FAT3: variants seen among roughly 807,000 people sequenced by gnomAD.
FAT3 encodes the protein FAT atypical cadherin 3.
Under a neutral mutation model 310.2 loss-of-function variants are expected in FAT3, and 95 were observed. The observed-to-expected ratio is 0.31, with a 90% CI of 0.26 to 0.36. The LOEUF (loss-of-function observed/expected upper bound fraction) is 0.36, where lower values mean the gene tolerates loss of function less well. Ranked by LOEUF, FAT3 falls within the 10% of genes least tolerant of loss-of-function variation. FAT3 has a pLI of 1.00. For synonymous variants in FAT3, 2,314 were observed against 2,192.9 expected, an observed-to-expected ratio of 1.06 and a Z score of -1.54; for missense variants, 5,408 against 5,715.6, an observed-to-expected ratio of 0.95 and a Z score of 1.74.
rs915746308 is a variant in FAT3, at chr11:92,507,104, G to A, written c.3293-17530G>A. On this transcript the variant is annotated intron_variant, in intron 2 of 27. Coordinates refer to ENST00000525166, the MANE Select transcript of FAT3 (RefSeq NM_001367949.2). The stretch of plus-strand genomic sequence containing the variant: ...CTAACACAGTGAGTTAGTATTTATC[G>A]AAGTCTTGTCAGTGCCTCTGGTGCT... Among the ~76,000 whole-genome samples the A allele has an allele frequency of 3.5e-4, 53 of 152,100 alleles. 1 individual carries two copies. Among genetic ancestry groups the A allele is most frequent in the Admixed American group, 5.2e-4 (8 of 15,256 alleles).
In FAT3 at chr11:92,655,996, C is replaced by T. The variant is rs189352756; in HGVS notation, c.3608-41388C>T. Among the ~76,000 whole-genome samples the T allele has an allele frequency of 4.6e-5, 7 of 152,250 alleles. No homozygotes were observed. In the East Asian group the frequency reaches 1.4e-3, roughly 29 times the overall value. The stretch of plus-strand genomic sequence containing the variant: ...TAAATCCATCCCATTTTGTCCATTG[C>T]CACATTTCACAGGGAAACAAGAGGG... On this transcript the variant is annotated intron_variant, in intron 3 of 27. Coordinates refer to ENST00000525166, the MANE Select transcript of FAT3 (RefSeq NM_001367949.2).
intron 3 of FAT3, among the ~76,000 whole-genome samples, chr11:92,639,152 A>G (rs955588811): frequency 3.3e-5 from 5 of 152,222 alleles, no homozygotes; most frequent in African/African-American, 9.6e-5. Context: ...GGAATCAACC[A>G]TCTAGCCCTT....
intron 4 of FAT3, among the ~76,000 whole-genome samples, chr11:92,747,174 G>A (rs1391604375): frequency 6.6e-6 from 1 of 151,578 alleles, no homozygotes; most frequent in Non-Finnish European, 1.5e-5. Flanking sequence ...TGCCCCTGCA[G>A]CAAACTTCTG....
intron 4 of FAT3, among the ~76,000 whole-genome samples, chr11:92,719,344 G>T (rs1434362598): frequency 6.6e-6 from 1 of 152,064 alleles, no homozygotes; most frequent in Non-Finnish European, 1.5e-5. Context: ...ACCAGTTCTT[G>T]TCTTTTTATC....
In FAT3 at chr11:92,801,897, T is replaced by C; in HGVS notation, c.8884T>C (p.Tyr2962His). The change falls in exon 10 of 28, where the codon TAC (tyrosine) becomes CAC (histidine). Residue 2962 changes from tyrosine to histidine, a missense_variant. Transcript: ENST00000525166. ...ATCCGACGTTAATCGCCAAGTGAGC[T>C]ACCATATTACAGGTGAGTAAATACC... The part of the protein sequence containing the change: ...DTSDVNRQVS[Y>H]HITGGNPRGR... 6.2e-7 allele frequency: 1 copy of C among 1,613,600 alleles called. No homozygotes were observed. The highest frequency in any genetic ancestry group is 1.1e-5 in the South Asian group (1 of 91,046).
At chr11:92,587,860 T>C (rs1195827555) in intron 3 of FAT3, among the ~76,000 whole-genome samples, 1 of 152,008 alleles carries the variant, frequency 6.6e-6, no homozygotes, top group African/African-American at 2.4e-5. Flanking sequence ...AATTTCACTT[T>C]TTCCCCATGT....
chr11:92,710,875 C>T (rs2135947525), intron 4 of FAT3, among the ~76,000 whole-genome samples: 1 of 152,314 alleles, frequency 6.6e-6, no homozygotes, highest in East Asian at 1.9e-4. Context: ...AGCAAGTACA[C>T]ACCTAGGTGA....
chr11:92,452,706 G>C (rs1591309673), intron 2 of FAT3, among the ~76,000 whole-genome samples: 1 of 152,212 alleles, frequency 6.6e-6, no homozygotes, highest in Non-Finnish European at 1.5e-5. Flanking sequence ...GAGTGGGAGA[G>C]TGATTAAGTG....
intron 2 of FAT3, among the ~76,000 whole-genome samples, chr11:92,428,645 G>T (rs931681151): frequency 2.0e-5 from 3 of 152,094 alleles, no homozygotes; most frequent in Non-Finnish European, 2.9e-5. Flanking sequence ...TATTTACTCA[G>T]TAGTCATTCA....
Position 92,840,763 on chromosome 11 carries a change from T to C in FAT3, c.10566+4T>C. ...GGAATACGTGTTGTGTGTCCAGGTA[T>C]GGCATCGCACTCTGTCTCCGTCGTG... On this transcript the variant is annotated splice_donor_region_variant and intron_variant, in intron 18 of 27. Transcript: ENST00000525166. 6.4e-7 allele frequency: 1 copy of C among 1,567,860 alleles called. No individual in the cohort carries two copies. Among genetic ancestry groups the C allele is most frequent in the Non-Finnish European group, 8.7e-7 (1 of 1,145,658 alleles).
At chr11:92,414,826 C>T (rs1350857487) in intron 2 of FAT3, among the ~76,000 whole-genome samples, 3 of 151,862 alleles carry the variant, frequency 2.0e-5, no homozygotes, top group Admixed American at 6.6e-5. Flanking sequence ...CTGGCTAACA[C>T]GGTGAAACCC....
intron 14 of FAT3, among the ~76,000 whole-genome samples, chr11:92,833,646 AT>A (rs1321687991): frequency 6.6e-6 from 1 of 152,198 alleles, no homozygotes; most frequent in Non-Finnish European, 1.5e-5. Flanking sequence ...CGTGGTAAGT[AT>A]TGGAAGGTGA....
chr11:92,410,296 G>T (rs1950228231), intron 2 of FAT3, among the ~76,000 whole-genome samples: 1 of 152,072 alleles, frequency 6.6e-6, no homozygotes, highest in South Asian at 2.1e-4. Flanking sequence ...AGGTGTGTGT[G>T]TGTGTATGTG....
intron 2 of FAT3, among the ~76,000 whole-genome samples, chr11:92,475,940 G>A (rs1035695382): frequency 1.1e-4 from 16 of 152,254 alleles, no homozygotes; most frequent in Admixed American, 7.8e-4. Context: ...ATTAAAGACC[G>A]AAGGTTAATG....
chr11:92,375,392 T>C (rs1440330147), intron 2 of FAT3, among the ~76,000 whole-genome samples: 1 of 152,182 alleles, frequency 6.6e-6, no homozygotes, highest in Non-Finnish European at 1.5e-5. Context: ...CCTCCTGCCT[T>C]GGACTCCCAA....
chr11:92,663,231 T>C (rs1459488127), intron 3 of FAT3, among the ~76,000 whole-genome samples: 3 of 152,176 alleles, frequency 2.0e-5, no homozygotes, highest in Non-Finnish European at 4.4e-5. Flanking sequence ...AGAGCAAGTA[T>C]GATGAGTTGT....
chr11:92,640,087 T>A (rs1179893463), intron 3 of FAT3, among the ~76,000 whole-genome samples: 2 of 152,138 alleles, frequency 1.3e-5, no homozygotes, highest in South Asian at 2.1e-4. Context: ...GTATTCTGAT[T>A]TTTTTTGCCC....
chr11:92,521,514 T>C (rs895253661), intron 2 of FAT3, among the ~76,000 whole-genome samples: 6 of 115,114 alleles, frequency 5.2e-5, no homozygotes, highest in Non-Finnish European at 8.8e-5. Context: ...ACTCAGCATG[T>C]GCTATGCCAC....
At chr11:92,561,752 A>C (rs1439531959) in intron 3 of FAT3, among the ~76,000 whole-genome samples, 1 of 152,014 alleles carries the variant, frequency 6.6e-6, no homozygotes, top group Non-Finnish European at 1.5e-5. Context: ...CAGCCTCCCA[A>C]GTATCTGGGA....
Sources: gnomAD v4.1 joint callset for allele counts (sites outside exome capture counted in the v4.1 genomes callset) on GRCh38, gnomAD v4.1.1 for gene constraint, MANE v1.5 for transcripts, NCBI Gene and HGNC (gene_info 2026-07-23, HGNC 2026-07-21) for gene names.